The following SGCZ variants were observed in gnomAD, a reference collection of about 807,000 sequenced individuals.
SGCZ encodes the protein sarcoglycan zeta, also known as zeta-sarcoglycan.
A neutral mutation model predicts 41.3 loss-of-function variants in SGCZ; 40 were observed. The ratio of observed to expected loss-of-function variants is 0.97; its 90% confidence interval spans 0.75 to 1.26. The LOEUF (loss-of-function observed/expected upper bound fraction) is 1.26. SGCZ is among the 50% of genes most tolerant of loss of function. SGCZ has a pLI of 0.00. For synonymous variants in SGCZ, 206 were observed against 137.5 expected, an observed-to-expected ratio of 1.50 and a Z score of -3.49; for missense variants, 552 against 369.8, an observed-to-expected ratio of 1.49 and a Z score of -4.04.
intron 1 of SGCZ, among the ~76,000 whole-genome samples, chr8:15,200,422 C>A (rs950753265): frequency 3.3e-5 from 5 of 152,122 alleles, no homozygotes; most frequent in African/African-American, 1.2e-4. Context: ...GCCTAGCTGT[C>A]CCACTGTGAA....
chr8:14,700,150 G>A (rs191420416), intron 1 of SGCZ, among the ~76,000 whole-genome samples: 7 of 152,006 alleles, frequency 4.6e-5, no homozygotes, highest in African/African-American at 1.7e-4. Flanking sequence ...AAAGATACAT[G>A]CACTAGAACG....
rs574154847 is a variant in SGCZ, at chr8:14,465,932, T to C, written c.234+88800A>G. The stretch of plus-strand genomic sequence containing the variant: ...CACTAAGTTACAATAACACCAGCTT[T>C]AGACTAATAAGTTTTTAATGTATTT... On this transcript the variant is annotated intron_variant, in intron 2 of 7. Transcript: ENST00000382080. 2.0e-5 allele frequency among the ~76,000 whole-genome samples: 3 copies of C among 151,290 alleles called. No homozygotes were observed. The South Asian group carries it at 6.2e-4, about 31-fold the overall frequency.
intron 2 of SGCZ, among the ~76,000 whole-genome samples, chr8:14,439,805 A>T (rs1800195748): frequency 6.6e-6 from 1 of 151,968 alleles, no homozygotes; most frequent in Non-Finnish European, 1.5e-5. Flanking sequence ...GGAAGCCTGG[A>T]ACTTATATTA....
chr8:15,072,775 G>T (rs1805401510), intron 1 of SGCZ, among the ~76,000 whole-genome samples: 1 of 152,114 alleles, frequency 6.6e-6, no homozygotes, highest in African/African-American at 2.4e-5. Context: ...TAAAATAATT[G>T]GTGTAATGGA....
chr8:14,827,038 G>C (rs373952900), intron 1 of SGCZ, among the ~76,000 whole-genome samples: 1 of 151,770 alleles, frequency 6.6e-6, no homozygotes. Flanking sequence ...GTATTGCCTC[G>C]GTTTTCTTCT....
chr8:14,930,469 A>G (rs1340774821), intron 1 of SGCZ, among the ~76,000 whole-genome samples: 1 of 152,080 alleles, frequency 6.6e-6, no homozygotes, highest in African/African-American at 2.4e-5. Flanking sequence ...CATTTGACTC[A>G]GCAATCCCAT....
rs1212123706 is a variant in SGCZ at position 14,146,876 on chromosome 8, A to AG, written c.547+17703_547+17704insC. Among the ~76,000 whole-genome samples the AG allele has an allele frequency of 4.9e-5, 7 of 143,762 alleles. 1 individual carries two copies. The highest frequency in any genetic ancestry group is 7.5e-5 in the Non-Finnish European group (5 of 66,256). The allele number at this position is 143,762 out of a possible 152,430, so 94.3% of individuals were successfully genotyped here. On this transcript the variant is annotated intron_variant, in intron 5 of 7. Coordinates refer to ENST00000382080, the MANE Select transcript of SGCZ (RefSeq NM_139167.4). ...GACAGAGCGAGACTCCGTCTCAAAA[A>AG]ATAAAAATAAAAAAAATAATAATAA...
At chr8:14,177,958 C>CTTTTTTTTTTTTTTCTT (rs1804602076) in intron 4 of SGCZ, among the ~76,000 whole-genome samples, 1 of 95,050 alleles carries the variant, frequency 1.1e-5, no homozygotes, top group African/African-American at 3.7e-5. Flanking sequence ...CTTTTTTTTT[C>CTTTTTTTTTTTTTTCTT]TTTTTTTTTT....
At chr8:14,836,594 G>C (rs1802710394) in intron 1 of SGCZ, among the ~76,000 whole-genome samples, 2 of 152,130 alleles carry the variant, frequency 1.3e-5, no homozygotes, top group Non-Finnish European at 2.9e-5. Context: ...CATCTCCTGG[G>C]TTCAAGTGCT....
In SGCZ at chr8:15,114,497, T is replaced by C. The variant is rs1807193020; in HGVS notation, c.39+123088A>G. On this transcript the variant is annotated intron_variant, in intron 1 of 7. Transcript: ENST00000382080. ...TTTATAAAATGGTTCAAAAAGAAAG[T>C]ATGATAGTAAGCCATCTCAAGCCTT... 2.6e-5 allele frequency among the ~76,000 whole-genome samples: 4 copies of C among 152,340 alleles called. No individual in the cohort carries two copies. The South Asian group carries it at 8.3e-4, about 32-fold the overall frequency.
intron 1 of SGCZ, among the ~76,000 whole-genome samples, chr8:15,016,625 A>T (rs1377820644): frequency 1.3e-5 from 2 of 152,164 alleles, no homozygotes; most frequent in African/African-American, 4.8e-5. Context: ...GTGCCTCACA[A>T]GTTGCTTTAC....
intron 5 of SGCZ, among the ~76,000 whole-genome samples, chr8:14,119,603 G>C (rs1802634933): frequency 6.6e-6 from 1 of 152,152 alleles, no homozygotes; most frequent in African/African-American, 2.4e-5. Context: ...ATGTTGAATA[G>C]GAGTGGTGAG....
intron 2 of SGCZ, among the ~76,000 whole-genome samples, chr8:14,551,429 T>C (rs67692103): frequency 1 from 73,454 of 73,804 alleles, 36,556 homozygotes; most frequent in Middle Eastern, 1. Flanking sequence ...ATTCAAATTT[T>C]CCTCTTCAAC....
chr8:14,622,289 A>G (rs1037001287), intron 1 of SGCZ, among the ~76,000 whole-genome samples: 1 of 152,154 alleles, frequency 6.6e-6, no homozygotes, highest in Non-Finnish European at 1.5e-5. Flanking sequence ...CAAGACACCT[A>G]CTGAGAACTG....
intron 1 of SGCZ, among the ~76,000 whole-genome samples, chr8:14,675,590 T>A (rs923369426): frequency 6.6e-6 from 1 of 152,108 alleles, no homozygotes; most frequent in South Asian, 2.1e-4. Context: ...CCAAAAAATA[T>A]ACACTGAGCT....
intron 1 of SGCZ, among the ~76,000 whole-genome samples, chr8:15,157,675 T>G (rs1799373744): frequency 6.6e-6 from 1 of 151,994 alleles, no homozygotes; most frequent in Non-Finnish European, 1.5e-5. Context: ...AACAACACAC[T>G]TACACTCATG....
chr8:14,957,471 A>C (rs11777723), intron 1 of SGCZ, among the ~76,000 whole-genome samples: 10,286 of 152,094 alleles, frequency 0.068, 550 homozygotes, highest in African/African-American at 0.14. Context: ...TTCTCAAAAA[A>C]TAGATTTTGA....
intron 1 of SGCZ, among the ~76,000 whole-genome samples, chr8:14,933,148 G>A (rs1474608131): frequency 2.0e-5 from 3 of 151,830 alleles, no homozygotes; most frequent in Non-Finnish European, 2.9e-5. Flanking sequence ...TCACTACGTC[G>A]GTAACAGCAT....
At chr8:15,016,377 G>A (rs1166871038) in intron 1 of SGCZ, among the ~76,000 whole-genome samples, 2 of 152,174 alleles carry the variant, frequency 1.3e-5, no homozygotes, top group African/African-American at 4.8e-5. Flanking sequence ...TCCACCAGGG[G>A]AATAACATGG....
Sources: gnomAD v4.1 joint callset for allele counts (sites outside exome capture counted in the v4.1 genomes callset) on GRCh38, gnomAD v4.1.1 for gene constraint, MANE v1.5 for transcripts, NCBI Gene and HGNC (gene_info 2026-07-23, HGNC 2026-07-21) for gene names.